The following TMC5 variants were observed in gnomAD, a reference collection of about 807,000 sequenced individuals.
TMC5 encodes the protein transmembrane channel like 5.
In TMC5, 86 loss-of-function variants were observed where a neutral mutation model predicts 110.5. That is an observed-to-expected ratio of 0.78 (90% confidence interval 0.65 to 0.93). The LOEUF (loss-of-function observed/expected upper bound fraction) is 0.93. TMC5 is among the 40% of genes least tolerant of loss of function. The probability of loss-of-function intolerance (pLI) is 0.00; values close to 1 mark genes in which losing one functional copy is unlikely to be tolerated. For synonymous variants in TMC5, 455 were observed against 439.5 expected (o/e 1.04, Z -0.44); for missense variants, 1,144 against 1,222.8 (o/e 0.94, Z 0.96).
intron 5 of TMC5, among the ~76,000 whole-genome samples, chr16:19,450,352 T>C (rs779774021): frequency 1.3e-5 from 2 of 152,166 alleles, no homozygotes; most frequent in Non-Finnish European, 2.9e-5. Context: ...GCCTGGCACG[T>C]AGTAGGTATT....
rs149636831 is a variant in TMC5 at position 19,453,637 on chromosome 16, G to A, written c.1048+4006G>A. On this transcript the variant is annotated intron_variant, in intron 5 of 21. Transcript: ENST00000542583. ...AGAAAAATTAGCCAGGCCTGGTGGC[G>A]TGCACCTGCAGTGCCAGCTACTCTG... Among the ~76,000 whole-genome samples the A allele has an allele frequency of 1.1e-3, 164 of 151,680 alleles. No homozygotes were observed. In the East Asian group the frequency reaches 0.018, roughly 16 times the overall value.
chr16:19,483,606 C>T (rs142389252), intron 15 of TMC5, among the ~76,000 whole-genome samples: 2,677 of 151,880 alleles, frequency 0.018, 90 homozygotes, highest in African/African-American at 0.062. Context: ...TGGTGAAACC[C>T]CATCTCTACT....
chr16:19,478,661 A>G (rs1968543850), intron 13 of TMC5, among the ~76,000 whole-genome samples: 1 of 151,862 alleles, frequency 6.6e-6, no homozygotes, highest in Non-Finnish European at 1.5e-5. Flanking sequence ...CATTTATCTA[A>G]CCATCCATCC....
Position 19,431,544 on chromosome 16 carries a change from G to GA in TMC5, c.-80+919dup, listed in dbSNP as rs112601330. On this transcript the variant is annotated intron_variant, in intron 2 of 21. Coordinates refer to ENST00000542583, the MANE Select transcript of TMC5 (RefSeq NM_001261841.2). ...GCAACAGGAGGGACCTTCCATCTCA[G>GA]AAAAAAAAAAAAAAAGAAGAAGAAG... Among the ~76,000 whole-genome samples the GA allele has an allele frequency of 7.1e-3, 881 of 124,280 alleles. 3 individuals carry two copies. Among genetic ancestry groups the GA allele is most frequent in the Middle Eastern group, 0.017 (4 of 234 alleles). 81.5% of individuals were successfully genotyped at this position (124,280 alleles called of 152,430 possible).
At chr16:19,478,505 T>A (rs74805293) in intron 13 of TMC5, among the ~76,000 whole-genome samples, 1 of 152,104 alleles carries the variant, frequency 6.6e-6, no homozygotes, top group African/African-American at 2.4e-5. Flanking sequence ...CATTCATTTA[T>A]CCATCCATGC....
intron 8 of TMC5, among the ~76,000 whole-genome samples, chr16:19,465,041 TTCTTTCTTTCTTTCTTTTCCTTCCTTCC>T (rs1400880545): frequency 5.3e-4 from 55 of 103,576 alleles, no homozygotes; most frequent in Middle Eastern, 4.2e-3. Flanking sequence ...CTTTCTTTCT[TTCTTTCTTTCTTTCTTTTCCTTCCTTCC>T]TTCCTTCCTT....
intron 19 of TMC5, among the ~76,000 whole-genome samples, chr16:19,493,327 T>G (rs976437131): frequency 3.3e-5 from 5 of 152,078 alleles, no homozygotes; most frequent in African/African-American, 1.2e-4. Flanking sequence ...CAATAATTTA[T>G]TATTATCATC....
chr16:19,485,068 G>A (rs1402184666), intron 15 of TMC5, among the ~76,000 whole-genome samples: 5 of 147,014 alleles, frequency 3.4e-5, no homozygotes, highest in Non-Finnish European at 6.0e-5. Flanking sequence ...GTATAGTGAC[G>A]TTTCACCTGT....
At chr16:19,423,438 C>T (rs1017011107) in intron 1 of TMC5, among the ~76,000 whole-genome samples, 1 of 152,152 alleles carries the variant, frequency 6.6e-6, no homozygotes, top group Non-Finnish European at 1.5e-5. Context: ...ACTTGGACAG[C>T]GTCGCTGACT....
chr16:19,452,029 C>T (rs573293916), intron 5 of TMC5, among the ~76,000 whole-genome samples: 17 of 152,216 alleles, frequency 1.1e-4, no homozygotes, highest in South Asian at 6.2e-4. Context: ...AAACTCCTGA[C>T]CTCAACTGAT....
chr16:19,460,152 G>A (rs1342769882), intron 5 of TMC5, 83 bp from the exon 6 acceptor site: 48 of 1,002,640 alleles, frequency 4.8e-5, no homozygotes, highest in East Asian at 4.5e-4. Context: ...CTTGTGTTAC[G>A]TGCTCTGACT....
chr16:19,484,175 A>G (rs1013985410), intron 15 of TMC5, among the ~76,000 whole-genome samples: 7 of 152,080 alleles, frequency 4.6e-5, no homozygotes, highest in African/African-American at 1.7e-4. Flanking sequence ...CCAATATGTC[A>G]TACAACGGGA....
In TMC5 at chr16:19,497,965, G is replaced by C. The variant is rs181234197; in HGVS notation, c.3020G>C (p.Ter1007SerextTer1). The C allele has an allele frequency of 2.0e-5, 32 of 1,613,898 alleles. 1 individual carries two copies. The South Asian group carries it at 3.5e-4, about 18-fold the overall frequency. The change falls in exon 22 of 22, where the codon TGA becomes TCA. Residue 1007 changes from the stop codon to serine, a stop_lost. Transcript: ENST00000542583. ...GTTCAAGAAGGTAATCCAAGGGCCT[G>C]ATGACTCTTTTGGTAACCAGACACC... ...RSVQEGNPRA[*>S]
chr16:19,417,707 T>G (rs1277331087), upstream of TMC5: 1 of 152,188 alleles, frequency 6.6e-6, no homozygotes, highest in Non-Finnish European at 1.5e-5. Flanking sequence ...ACTTGGGACC[T>G]GAGTTAGGCC....
At chr16:19,452,930 G>C (rs1340617924) in intron 5 of TMC5, among the ~76,000 whole-genome samples, 2 of 151,746 alleles carry the variant, frequency 1.3e-5, no homozygotes, top group Admixed American at 1.3e-4. Context: ...GTTTTCTGAG[G>C]CTTAAAATTC....
At chr16:19,418,668 CTTCTCATCCTTCTCATTT>C (rs1429041239) in intron 1 of TMC5, among the ~76,000 whole-genome samples, 1 of 150,180 alleles carries the variant, frequency 6.7e-6, no homozygotes, top group East Asian at 2.0e-4. Context: ...TTTTCTCATT[CTTCTCATCCTTCTCATTT>C]TTCTCATCCT....
chr16:19,466,321 G>C (rs1968188559), intron 9 of TMC5, 88 bp downstream of exon 9: 4 of 1,423,756 alleles, frequency 2.8e-6, no homozygotes, highest in Non-Finnish European at 3.9e-6. Flanking sequence ...CCAGGTAACA[G>C]TTTCTCTGCA....
At chr16:19,431,977 C>G (rs1427747799) in intron 2 of TMC5, among the ~76,000 whole-genome samples, 1 of 152,156 alleles carries the variant, frequency 6.6e-6, no homozygotes, top group East Asian at 1.9e-4. Flanking sequence ...AAAGCTTGGC[C>G]TGACAATCCT....
Position 19,444,062 on chromosome 16 carries a change from C to A in TMC5, c.789-19C>A, listed in dbSNP as rs2143483905. 1 of 1,609,448 alleles carries A rather than the reference C, an allele frequency of 6.2e-7. No individual in the cohort carries two copies. Among genetic ancestry groups the A allele is most frequent in the South Asian group, 1.1e-5 (1 of 90,676 alleles). Reference sequence around the variant, plus strand: ...ACTATACTCTTGGTTGGATAGTGATCCATCATTTTGGATTTTAGGGTGCTC... The same window carrying A: ...ACTATACTCTTGGTTGGATAGTGATACATCATTTTGGATTTTAGGGTGCTC... On this transcript the variant is annotated intron_variant, in intron 3 of 21. Transcript: ENST00000542583.
Sources: gnomAD v4.1 joint callset for allele counts (sites outside exome capture counted in the v4.1 genomes callset) on GRCh38, gnomAD v4.1.1 for gene constraint, MANE v1.5 for transcripts, NCBI Gene and HGNC (gene_info 2026-07-23, HGNC 2026-07-21) for gene names.